The following CACNA1C variants were observed in gnomAD, a reference collection of about 807,000 sequenced individuals.
CACNA1C encodes voltage-dependent L-type calcium channel subunit alpha-1C.
A neutral mutation model predicts 229.0 loss-of-function variants in CACNA1C; 30 were observed. That is an observed-to-expected ratio of 0.13 (90% CI 0.10 to 0.18). The LOEUF is 0.18. Among genes scored for constraint, CACNA1C ranks in the 10% least tolerant of loss-of-function variants. The pLI is 1.00. For missense variants in CACNA1C, 1,658 were observed against 2,845.0 expected, an observed-to-expected ratio of 0.58 and a Z score of 9.49; for synonymous variants, 1,114 against 1,132.5, an observed-to-expected ratio of 0.98 and a Z score of 0.33.
intron 4 of CACNA1C, 135 bp downstream of exon 4, chr12:2,449,250 TG>T (rs1490129798): frequency 1.7e-6 from 1 of 600,638 alleles, no homozygotes. Flanking sequence ...GTGAGAAAAA[TG>T]AGATTTATTT....
At chr12:2,288,934 C>G (rs1201181980) in intron 3 of CACNA1C, 1 of 152,272 alleles carries the variant, frequency 6.6e-6, no homozygotes, top group Non-Finnish European at 1.5e-5. Flanking sequence ...TGTTCTCCAA[C>G]TCAGCCTGCC....
intron 3 of CACNA1C, among the ~76,000 whole-genome samples, chr12:2,384,235 G>T (rs545721920): frequency 1.4e-4 from 21 of 152,198 alleles, no homozygotes; most frequent in Admixed American, 5.9e-4. Context: ...TACTGTCTTT[G>T]TGTAAGAGTT....
At position 2,608,851 on chromosome 12, in the gene CACNA1C, G is replaced by T; in HGVS notation, c.3558+139G>T. ...TCTCTCTATTCCTCAACCAGAGTGG[G>T]CTGTCAGTCTTTTTGAGGGACCTGT... On this transcript the variant is annotated intron_variant, in intron 27 of 46. Transcript: ENST00000399655. The surrounding 1 kb of genome is among the most constrained non-coding windows in gnomAD (Gnocchi z 4.2). The T allele has an allele frequency of 2.5e-6, 2 of 814,300 alleles. No homozygotes were observed. The highest frequency in any genetic ancestry group is 3.6e-5 in the South Asian group (2 of 55,120). The allele number at this position is 814,300 out of a possible 1,614,324, so 50.4% of individuals were successfully genotyped here.
intron 12 of CACNA1C, among the ~76,000 whole-genome samples, chr12:2,567,178 T>G (rs1395771026): frequency 6.6e-6 from 1 of 152,222 alleles, no homozygotes; most frequent in Non-Finnish European, 1.5e-5. Context: ...GGGGGTCTAG[T>G]GGCGGAGAAG....
intron 3 of CACNA1C, among the ~76,000 whole-genome samples, chr12:2,205,803 T>G (rs193044367): frequency 6.6e-6 from 1 of 152,268 alleles, no homozygotes; most frequent in Non-Finnish European, 1.5e-5. Context: ...AGCCCCAGGA[T>G]CAAGGTGCCA....
intron 1 of CACNA1C, among the ~76,000 whole-genome samples, chr12:2,092,276 T>C (rs985607751): frequency 7.2e-5 from 11 of 152,238 alleles, no homozygotes; most frequent in Non-Finnish European, 1.2e-4. Context: ...GCACACCCTG[T>C]AAGCCTAATT....
At chr12:2,192,137 T>G (rs1473010119) in intron 3 of CACNA1C, among the ~76,000 whole-genome samples, 1 of 152,168 alleles carries the variant, frequency 6.6e-6, no homozygotes, top group Non-Finnish European at 1.5e-5. Context: ...CTCACGGTTT[T>G]TGGTTCAGCC....
intron 29 of CACNA1C, chr12:2,614,241 A>T (rs1259419941): frequency 6.6e-6 from 1 of 152,276 alleles, no homozygotes; most frequent in Non-Finnish European, 1.5e-5. Context: ...AGATGGGGCA[A>T]GATAACAGAG....
At chr12:2,161,709 G>T (rs1258721614) in intron 3 of CACNA1C, among the ~76,000 whole-genome samples, 2 of 152,214 alleles carry the variant, frequency 1.3e-5, no homozygotes, top group African/African-American at 4.8e-5. Flanking sequence ...AATGCTGTTT[G>T]GCAAACAAAG....
intron 3 of CACNA1C, among the ~76,000 whole-genome samples, chr12:2,200,702 T>C (rs1260338441): frequency 6.6e-6 from 1 of 152,022 alleles, no homozygotes; most frequent in Non-Finnish European, 1.5e-5. Context: ...AGAAAGCAAA[T>C]AGAATGTTGC....
intron 3 of CACNA1C, among the ~76,000 whole-genome samples, chr12:2,136,543 G>C (rs1196031950): frequency 1.3e-5 from 2 of 150,974 alleles, no homozygotes; most frequent in East Asian, 3.9e-4. Context: ...TAATTATCAG[G>C]CCTTCAACTA....
intron 4 of CACNA1C, among the ~76,000 whole-genome samples, chr12:2,454,911 C>T (rs989145002): frequency 6.6e-6 from 1 of 152,252 alleles, no homozygotes; most frequent in Non-Finnish European, 1.5e-5. Context: ...TCTATGCTGA[C>T]AATGCGCCTT....
chr12:2,560,624 T>C (rs559706106), intron 11 of CACNA1C, among the ~76,000 whole-genome samples: 1 of 152,234 alleles, frequency 6.6e-6, no homozygotes, highest in East Asian at 1.9e-4. Flanking sequence ...ATCTCAACTT[T>C]ACGGAGTTCT....
intron 3 of CACNA1C, among the ~76,000 whole-genome samples, chr12:2,143,415 C>T (rs1436583523): frequency 2.0e-5 from 3 of 151,186 alleles, no homozygotes; most frequent in Non-Finnish European, 3.0e-5. Flanking sequence ...CTGCAAGCTC[C>T]GTTCATGGTA....
chr12:2,180,956 T>A (rs1322744760), intron 3 of CACNA1C, among the ~76,000 whole-genome samples: 1 of 152,158 alleles, frequency 6.6e-6, no homozygotes, highest in East Asian at 1.9e-4. Context: ...TTTGTAGCAG[T>A]TCTGATGACA....
intron 4 of CACNA1C, among the ~76,000 whole-genome samples, chr12:2,457,277 C>A (rs1356040284): frequency 6.6e-6 from 1 of 152,246 alleles, no homozygotes; most frequent in African/African-American, 2.4e-5. Context: ...CTGCTTCCCA[C>A]GTTTGTCCAG....
chr12:2,064,576 C>T (rs1014731777), intron 1 of CACNA1C, among the ~76,000 whole-genome samples: 2 of 152,198 alleles, frequency 1.3e-5, no homozygotes, highest in African/African-American at 4.8e-5. Flanking sequence ...GCTCCTCATA[C>T]ATCTAAAGTC....
rs2071973910 is a variant in CACNA1C at position 2,601,192 on chromosome 12, A to G, written c.2854-662A>G. Among the ~76,000 whole-genome samples the G allele has an allele frequency of 6.6e-6, 1 of 152,194 alleles. No individual in the cohort carries two copies. Among genetic ancestry groups the G allele is most frequent in the Non-Finnish European group, 1.5e-5 (1 of 68,022 alleles). ...TGAGTTTAGAATATTTGGCATCAAT[A>G]ATAAGCACCCTTTGAGGCCAGGAAG... On this transcript the variant is annotated intron_variant, in intron 21 of 46. Transcript: ENST00000399655. The surrounding 1 kb of genome is among the most constrained non-coding windows in gnomAD (Gnocchi z 5.9).
At chr12:2,126,008 C>G (rs1457865983) in intron 3 of CACNA1C, among the ~76,000 whole-genome samples, 1 of 152,272 alleles carries the variant, frequency 6.6e-6, no homozygotes, top group Non-Finnish European at 1.5e-5. Flanking sequence ...GATTCCCTCG[C>G]AAACGCATCG....
Sources: gnomAD v4.1 joint callset for allele counts (sites outside exome capture counted in the v4.1 genomes callset) on GRCh38, gnomAD v4.1.1 for gene constraint, Gnocchi (gnomAD v3.1) non-coding constraint, MANE v1.5 for transcripts, NCBI Gene and HGNC (gene_info 2026-07-23, HGNC 2026-07-21) for gene names.